The following PHF21A variants were observed in gnomAD, a reference collection of about 807,000 sequenced individuals.
PHF21A encodes BHC80a.
In PHF21A, 11 loss-of-function variants were observed where a neutral mutation model predicts 82.5. That is an observed-to-expected ratio of 0.13 (90% CI 0.08 to 0.22). The LOEUF (loss-of-function observed/expected upper bound fraction) is 0.22, where lower values mean the gene tolerates loss of function less well. PHF21A is among the 10% of genes least tolerant of loss of function. PHF21A has a pLI of 1.00. For missense variants in PHF21A, 579 were observed against 837.8 expected (o/e 0.69, Z 3.81); for synonymous variants, 297 against 302.8 (o/e 0.98, Z 0.20).
chr11:46,090,317 A>T (rs987180420), intron 3 of PHF21A, 138 bp downstream of exon 3: 1 of 152,192 alleles, frequency 6.6e-6, no homozygotes, highest in Non-Finnish European at 1.5e-5. Flanking sequence ...CACAAAGGAT[A>T]ATGCAAGTGG....
At chr11:46,096,214 ACTCT>A (rs2096992781) in intron 1 of PHF21A, among the ~76,000 whole-genome samples, 1 of 149,902 alleles carries the variant, frequency 6.7e-6, no homozygotes, top group African/African-American at 2.5e-5. Context: ...TTTTCCTTTT[ACTCT>A]CATGGAGCAT....
At chr11:45,981,292 A>C (rs900416115) in intron 6 of PHF21A, among the ~76,000 whole-genome samples, 2 of 149,434 alleles carry the variant, frequency 1.3e-5, no homozygotes, top group African/African-American at 4.9e-5. Context: ...AGGCTGAGGC[A>C]GGAGAATTGC....
intron 1 of PHF21A, among the ~76,000 whole-genome samples, chr11:46,112,666 C>G (rs574213884): frequency 6.6e-5 from 10 of 152,196 alleles, no homozygotes; most frequent in Non-Finnish European, 1.5e-4. Flanking sequence ...AAGATGTTGA[C>G]AATTATTACA....
intron 6 of PHF21A, among the ~76,000 whole-genome samples, chr11:46,060,592 A>G (rs2096522985): frequency 1.3e-5 from 2 of 152,194 alleles, no homozygotes; most frequent in South Asian, 4.1e-4. Flanking sequence ...GCTTTTTTGC[A>G]TATGATTGTT....
chr11:46,105,248 T>G lies in PHF21A; in HGVS notation c.-236-13025A>C, dbSNP rs936965597. Reference sequence around the variant, plus strand: ...TGTGTTCTACTGACACGCTATAAACTCCCCTTCACTCGAATTACATGAAAA... The same window carrying G: ...TGTGTTCTACTGACACGCTATAAACGCCCCTTCACTCGAATTACATGAAAA... On this transcript the variant is annotated intron_variant, in intron 1 of 18. Coordinates refer to ENST00000676320, the MANE Select transcript of PHF21A (RefSeq NM_001352027.3). Among the ~76,000 whole-genome samples the G allele has an allele frequency of 5.3e-5, 8 of 152,228 alleles. No individual in the cohort carries two copies. The South Asian group carries it at 6.2e-4, about 12-fold the overall frequency.
chr11:45,988,202 A>C (rs1374504063), intron 6 of PHF21A, among the ~76,000 whole-genome samples: 1 of 152,218 alleles, frequency 6.6e-6, no homozygotes, highest in Non-Finnish European at 1.5e-5. Flanking sequence ...ACAGAATCAG[A>C]TGCTAGAAGA....
chr11:45,992,375 A>C (rs1216737433), intron 6 of PHF21A, among the ~76,000 whole-genome samples: 2 of 131,210 alleles, frequency 1.5e-5, no homozygotes, highest in Middle Eastern at 3.5e-3. Flanking sequence ...TACTAAAAAT[A>C]CAAAAAAAAA....
chr11:46,037,174 G>A (rs937953806), intron 6 of PHF21A, among the ~76,000 whole-genome samples: 4 of 151,792 alleles, frequency 2.6e-5, no homozygotes, highest in African/African-American at 9.7e-5. Flanking sequence ...TGACTAATTC[G>A]GTGCACATCC....
In PHF21A at chr11:46,060,889, C is replaced by T. The variant is rs557545367; in HGVS notation, c.153+15865G>A. 2.4e-4 allele frequency among the ~76,000 whole-genome samples: 37 copies of T among 152,290 alleles called. 1 individual carries two copies. The highest frequency in any genetic ancestry group is 7.9e-4 in the African/African-American group (33 of 41,558). On this transcript the variant is annotated intron_variant, in intron 6 of 18. Transcript: ENST00000676320. The stretch of plus-strand genomic sequence containing the variant: ...CTTCATCGTGAAATCTGTGCCCATG[C>T]TTATGTCCTGAATGGTATTGCTGAG...
At position 45,936,577 on chromosome 11, in the gene PHF21A, G is replaced by T. The variant is rs773612103; in HGVS notation, c.1609-8C>A. 1.9e-6 allele frequency: 3 copies of T among 1,602,584 alleles called. No homozygotes were observed. The South Asian group carries it at 3.3e-5, about 18-fold the overall frequency. On this transcript the variant is annotated splice_polypyrimidine_tract_variant and splice_region_variant and intron_variant, in intron 16 of 18. Coordinates refer to ENST00000676320, the MANE Select transcript of PHF21A (RefSeq NM_001352027.3). Reference sequence around the variant, plus strand: ...TTCTTCCTTCTTCAGCATCTGAAAAGATTTTTAGAATTTTACCTTGAGAAG... The same window carrying T: ...TTCTTCCTTCTTCAGCATCTGAAAATATTTTTAGAATTTTACCTTGAGAAG...
chr11:45,987,017 C>G (rs2094511601), intron 6 of PHF21A, among the ~76,000 whole-genome samples: 1 of 151,982 alleles, frequency 6.6e-6, no homozygotes, highest in Admixed American at 6.6e-5. Context: ...CTAGGTACAT[C>G]CCAGATTTCT....
In PHF21A at chr11:46,091,258, G is replaced by A. The variant is rs546720884; in HGVS notation, c.-195-692C>T. ...TTAAAAATTTTTTTAAAAAGGAGTA[G>A]TCTTGCACTAGGCGACTACCCTATT... On this transcript the variant is annotated intron_variant, in intron 2 of 18. Transcript: ENST00000676320. Among the ~76,000 whole-genome samples the A allele has an allele frequency of 2.6e-5, 4 of 152,212 alleles. No homozygotes were observed. In the East Asian group the frequency reaches 7.7e-4, roughly 29 times the overall value.
At chr11:45,990,139 C>T (rs1203903438) in intron 6 of PHF21A, among the ~76,000 whole-genome samples, 1 of 152,088 alleles carries the variant, frequency 6.6e-6, no homozygotes, top group East Asian at 1.9e-4. Flanking sequence ...AGTCTTCACA[C>T]CTGAACATAC....
At chr11:45,972,029 GTATA>G (rs2093791668) in intron 7 of PHF21A, among the ~76,000 whole-genome samples, 2 of 151,518 alleles carry the variant, frequency 1.3e-5, no homozygotes, top group South Asian at 4.2e-4. Context: ...TAGCCAATGA[GTATA>G]TAGTAAATAC....
intron 6 of PHF21A, among the ~76,000 whole-genome samples, chr11:46,017,905 A>G (rs918764834): frequency 2.0e-5 from 3 of 152,172 alleles, no homozygotes; most frequent in Non-Finnish European, 4.4e-5. Context: ...CACAAAATGA[A>G]AATTTATTAT....
At chr11:45,959,481 A>G (rs1385464511) in intron 10 of PHF21A, among the ~76,000 whole-genome samples, 4 of 152,240 alleles carry the variant, frequency 2.6e-5, no homozygotes, top group Non-Finnish European at 5.9e-5. Flanking sequence ...CTTGAGATCA[A>G]CAACAAGACA....
At chr11:46,042,885 C>T (rs1337634630) in intron 6 of PHF21A, among the ~76,000 whole-genome samples, 1 of 152,048 alleles carries the variant, frequency 6.6e-6, no homozygotes, top group African/African-American at 2.4e-5. Flanking sequence ...GACATCCCAG[C>T]CTCCAGAGTT....
chr11:46,021,200 C>G (rs1489686370), intron 6 of PHF21A, among the ~76,000 whole-genome samples: 1 of 151,980 alleles, frequency 6.6e-6, no homozygotes. Flanking sequence ...GCTGGAACTA[C>G]AGGTGCAAGC....
At chr11:45,949,345 A>G in intron 13 of PHF21A, 57 bp downstream of exon 13, 2 of 1,413,576 alleles carry the variant, frequency 1.4e-6, no homozygotes, top group East Asian at 4.6e-5. Context: ...GAGGCACTGA[A>G]CAGCTCATAA....
Sources: allele counts gnomAD v4.1 joint callset (sites outside exome capture counted in the v4.1 genomes callset), GRCh38; gene constraint gnomAD v4.1.1; transcripts MANE v1.5; gene names NCBI Gene and HGNC (gene_info 2026-07-23, HGNC 2026-07-21).